Variants in ANKRD6 observed in about 807,000 individuals in gnomAD.
ANKRD6 encodes the protein ankyrin repeat domain 6.
In ANKRD6, 56 loss-of-function variants were observed where a neutral mutation model predicts 82.3. The ratio of observed to expected loss-of-function variants is 0.68; its 90% confidence interval spans 0.55 to 0.85. ANKRD6 has a LOEUF of 0.85. ANKRD6 is among the 40% of genes least tolerant of loss of function. The pLI is 0.00. For synonymous variants in ANKRD6, 347 were observed against 352.1 expected (o/e 0.99, Z 0.16); for missense variants, 852 against 907.6 (o/e 0.94, Z 0.79).
intron 3 of ANKRD6, chr6:89,601,954 C>T (rs1416653706): frequency 6.6e-6 from 1 of 152,150 alleles, no homozygotes; most frequent in Non-Finnish European, 1.5e-5. Flanking sequence ...CTCTGGTGCT[C>T]TGCCAGGAAA....
intron 1 of ANKRD6, among the ~76,000 whole-genome samples, chr6:89,514,618 A>G (rs1240745914): frequency 6.6e-6 from 1 of 152,224 alleles, no homozygotes; most frequent in Non-Finnish European, 1.5e-5. Flanking sequence ...CATTTCTATG[A>G]TTAGATGGAT....
intron 3 of ANKRD6, among the ~76,000 whole-genome samples, chr6:89,597,623 C>A (rs1796195680): frequency 6.6e-6 from 1 of 152,140 alleles, no homozygotes; most frequent in South Asian, 2.1e-4. Context: ...GTGAAACAGG[C>A]AAGAATTTTC....
intron 1 of ANKRD6, among the ~76,000 whole-genome samples, chr6:89,545,653 A>G (rs540789059): frequency 2.0e-5 from 3 of 152,304 alleles, no homozygotes; most frequent in East Asian, 1.9e-4. Flanking sequence ...AAGTTTTTCA[A>G]ACCCCAAAAG....
At chr6:89,615,033 C>A (rs1389882274) in intron 7 of ANKRD6, among the ~76,000 whole-genome samples, 3 of 152,080 alleles carry the variant, frequency 2.0e-5, no homozygotes, top group Non-Finnish European at 4.4e-5. Context: ...GTGAATATTA[C>A]CGTCTTCCTT....
At chr6:89,477,039 G>A (rs1487688062) in intron 1 of ANKRD6, among the ~76,000 whole-genome samples, 1 of 152,160 alleles carries the variant, frequency 6.6e-6, no homozygotes, top group Non-Finnish European at 1.5e-5. Flanking sequence ...CCGCCTCACG[G>A]GTTCACGCCA....
At chr6:89,439,953 T>C (rs535995998) in intron 1 of ANKRD6, among the ~76,000 whole-genome samples, 26 of 152,314 alleles carry the variant, frequency 1.7e-4, no homozygotes, top group African/African-American at 5.8e-4. Context: ...CACCTTGGCC[T>C]CCCAAAGTGC....
At chr6:89,615,071 T>C (rs1440173892) in intron 7 of ANKRD6, among the ~76,000 whole-genome samples, 1 of 152,156 alleles carries the variant, frequency 6.6e-6, no homozygotes, top group Non-Finnish European at 1.5e-5. Flanking sequence ...CCAGCAGTCA[T>C]TGGATTTGAA....
intron 1 of ANKRD6, among the ~76,000 whole-genome samples, chr6:89,503,104 A>C (rs762616476): frequency 1.2e-4 from 19 of 152,222 alleles, no homozygotes; most frequent in Non-Finnish European, 2.5e-4. Context: ...TGCAGAAGCT[A>C]TAATATCTCA....
intron 1 of ANKRD6, among the ~76,000 whole-genome samples, chr6:89,493,708 G>A (rs867608413): frequency 1.5e-4 from 23 of 152,054 alleles, no homozygotes; most frequent in Admixed American, 1.2e-3. Context: ...GAGCCGCCAC[G>A]CCCAGCCTGT....
chr6:89,534,907 A>G (rs1034256225), intron 1 of ANKRD6, among the ~76,000 whole-genome samples: 5 of 152,268 alleles, frequency 3.3e-5, no homozygotes, highest in Admixed American at 6.5e-5. Context: ...CTAGGGAGCT[A>G]ATGTCTGAGA....
At chr6:89,550,219 T>G (rs900908706) in intron 1 of ANKRD6, among the ~76,000 whole-genome samples, 12 of 152,196 alleles carry the variant, frequency 7.9e-5, no homozygotes, top group African/African-American at 2.9e-4. Flanking sequence ...CCAAGAGACA[T>G]GCATATAAGA....
intron 1 of ANKRD6, among the ~76,000 whole-genome samples, chr6:89,470,278 C>T (rs569889309): frequency 5.3e-5 from 8 of 152,088 alleles, no homozygotes; most frequent in African/African-American, 1.9e-4. Flanking sequence ...CTCAGGAAAA[C>T]GTTACTGAAA....
chr6:89,629,434 T>A (rs1210640072), intron 15 of ANKRD6, 196 bp downstream of exon 15: 9 of 716,794 alleles, frequency 1.3e-5, no homozygotes, highest in Non-Finnish European at 1.9e-5. Context: ...AGCACTCATT[T>A]ATGTGCTCAA....
At chr6:89,534,643 G>A (rs1481328029) in intron 1 of ANKRD6, among the ~76,000 whole-genome samples, 2 of 152,148 alleles carry the variant, frequency 1.3e-5, no homozygotes, top group Non-Finnish European at 2.9e-5. Context: ...ATATTTATAA[G>A]TGCTGCTGTG....
intron 1 of ANKRD6, among the ~76,000 whole-genome samples, chr6:89,480,302 A>G (rs1056216915): frequency 4.6e-5 from 7 of 152,184 alleles, no homozygotes; most frequent in African/African-American, 1.7e-4. Context: ...TTATGTTGGC[A>G]GCATATCTAC....
intron 5 of ANKRD6, among the ~76,000 whole-genome samples, chr6:89,610,367 T>C (rs749403605): frequency 1.3e-5 from 2 of 152,174 alleles, no homozygotes; most frequent in Non-Finnish European, 2.9e-5. Context: ...CTTCTGTGTG[T>C]GGCTTCTTAA....
intron 9 of ANKRD6, among the ~76,000 whole-genome samples, chr6:89,618,575 G>A (rs947080557): frequency 1.3e-5 from 2 of 152,256 alleles, no homozygotes; most frequent in African/African-American, 4.8e-5. Flanking sequence ...TGATACTTTA[G>A]TTGAGGTTGA....
chr6:89,550,886 G>A (rs1213713952), intron 1 of ANKRD6, among the ~76,000 whole-genome samples: 1 of 152,062 alleles, frequency 6.6e-6, no homozygotes, highest in African/African-American at 2.4e-5. Context: ...AACTCAGGAG[G>A]CAGAGGCTGC....
intron 13 of ANKRD6, 30 bp from the exon 14 acceptor site, chr6:89,627,553 G>A: frequency 6.2e-7 from 1 of 1,607,744 alleles, no homozygotes; most frequent in Non-Finnish European, 8.5e-7. Flanking sequence ...GATCATCTCA[G>A]TCTTACACTC....
Sources: gnomAD v4.1 joint callset for allele counts (sites outside exome capture counted in the v4.1 genomes callset) on GRCh38, gnomAD v4.1.1 for gene constraint, MANE v1.5 for transcripts, NCBI Gene and HGNC (gene_info 2026-07-23, HGNC 2026-07-21) for gene names.